DCX: variants seen among roughly 807,000 people sequenced by gnomAD.
DCX encodes the protein doublecortin.
Under a neutral mutation model 20.9 loss-of-function variants are expected in DCX, and 4 were observed. The observed-to-expected ratio is 0.19, with a 90% CI of 0.09 to 0.44. The LOEUF is 0.44. DCX is among the 20% of genes least tolerant of loss of function. The probability of loss-of-function intolerance (pLI) is 0.99; values close to 1 mark genes in which losing one functional copy is unlikely to be tolerated. For synonymous variants in DCX, 103 were observed against 111.4 expected (o/e 0.92, Z 0.47); for missense variants, 133 against 296.9 (o/e 0.45, Z 4.06).
At chrX:111,311,426 T>C (rs1017436965) in intron 6 of DCX, among the ~76,000 whole-genome samples, 10 of 112,363 alleles carry the variant, frequency 8.9e-5, no homozygotes, top group African/African-American at 2.6e-4. Flanking sequence ...AGTGGTATGC[T>C]ATTAAATGTT....
intron 3 of DCX, among the ~76,000 whole-genome samples, chrX:111,399,528 G>A (rs1927606387): frequency 8.9e-6 from 1 of 112,235 alleles, no homozygotes; most frequent in Admixed American, 9.5e-5. Context: ...GTTGAACAGT[G>A]AAATAGGCTG....
chrX:111,391,028 A>ACTGGCTT (rs1240031512), intron 3 of DCX, among the ~76,000 whole-genome samples: 44 of 107,409 alleles, frequency 4.1e-4, no homozygotes, highest in African/African-American at 1.4e-3. Context: ...AAAATCCTTC[A>ACTGGCTT]CTGGCTTCTG....
chrX:111,383,634 G>C (rs1029523592), intron 3 of DCX, among the ~76,000 whole-genome samples: 3 of 111,271 alleles, frequency 2.7e-5, no homozygotes, highest in African/African-American at 9.8e-5. Context: ...GTCCTTTATG[G>C]CCCTATGAGG....
At chrX:111,352,128 G>C (rs1050897845) in intron 3 of DCX, among the ~76,000 whole-genome samples, 4 of 111,643 alleles carry the variant, frequency 3.6e-5, no homozygotes, top group African/African-American at 1.3e-4. Flanking sequence ...CAACTCGGAG[G>C]AGGGGTGCCA....
intron 3 of DCX, among the ~76,000 whole-genome samples, chrX:111,385,556 T>C (rs1295627444): frequency 9.1e-6 from 1 of 109,884 alleles, no homozygotes. Context: ...CTCGGGAGGC[T>C]GAGGCAGGAG....
chrX:111,346,306 T>C (rs1922817536), intron 3 of DCX, among the ~76,000 whole-genome samples: 1 of 112,112 alleles, frequency 8.9e-6, no homozygotes, highest in Non-Finnish European at 1.9e-5. Context: ...CTGTCAGAGC[T>C]AGAAGAGACA....
intron 3 of DCX, among the ~76,000 whole-genome samples, chrX:111,351,956 C>T (rs915561081): frequency 1.8e-5 from 2 of 111,736 alleles, no homozygotes; most frequent in African/African-American, 6.5e-5. Flanking sequence ...AACTCCTGGG[C>T]TCATGCAGTC....
intron 5 of DCX, among the ~76,000 whole-genome samples, chrX:111,320,157 T>C (rs1283322351): frequency 1.8e-5 from 2 of 112,117 alleles, no homozygotes; most frequent in East Asian, 5.6e-4. Context: ...ATAGAGAAAT[T>C]AAGTAATGTA....
chrX:111,363,056 G>A (rs1176891609), intron 3 of DCX, among the ~76,000 whole-genome samples: 1 of 111,675 alleles, frequency 9.0e-6, no homozygotes, highest in Non-Finnish European at 1.9e-5. Context: ...ACAAGGTGAG[G>A]TAATTGGTGC....
intron 2 of DCX, among the ~76,000 whole-genome samples, chrX:111,401,819 A>G (rs1927817273): frequency 8.9e-6 from 1 of 112,580 alleles, no homozygotes; most frequent in African/African-American, 3.2e-5. Context: ...ATGCCAAGTT[A>G]AAATGAACCA....
chrX:111,403,304 G>T (rs371930107), intron 2 of DCX, among the ~76,000 whole-genome samples: 6 of 112,113 alleles, frequency 5.4e-5, no homozygotes, highest in East Asian at 2.8e-4. Flanking sequence ...ATATATTTAT[G>T]ATTTCACTCA....
At chrX:111,353,793 T>C (rs1382002763) in intron 3 of DCX, among the ~76,000 whole-genome samples, 3 of 111,795 alleles carry the variant, frequency 2.7e-5, no homozygotes, top group Non-Finnish European at 5.6e-5. Flanking sequence ...GCATGCCTTC[T>C]GTCCTCAAAG....
chrX:111,341,165 T>A (rs1922192447), intron 3 of DCX, among the ~76,000 whole-genome samples: 1 of 109,712 alleles, frequency 9.1e-6, no homozygotes, highest in Non-Finnish European at 1.9e-5. Context: ...ATAGTCAGTT[T>A]AGAGAGGAAC....
At chrX:111,303,252 TA>T (rs2095038034) in intron 6 of DCX, among the ~76,000 whole-genome samples, 3 of 109,996 alleles carry the variant, frequency 2.7e-5, no homozygotes, top group East Asian at 5.7e-4. Flanking sequence ...CACGCCTGGC[TA>T]ATTTTTTATA....
At chrX:111,347,847 C>T (rs1384038378) in intron 3 of DCX, among the ~76,000 whole-genome samples, 2 of 111,830 alleles carry the variant, frequency 1.8e-5, no homozygotes, top group African/African-American at 3.3e-5. Flanking sequence ...GGTGACTCTC[C>T]TCTCCCCATT....
At chrX:111,374,596 C>T (rs1054511188) in intron 3 of DCX, among the ~76,000 whole-genome samples, 1 of 110,973 alleles carries the variant, frequency 9.0e-6, no homozygotes, top group African/African-American at 3.3e-5. Context: ...AGGTTATCTG[C>T]CTTCCAGTTG....
At chrX:111,329,767 C>A (rs1315582901) in intron 5 of DCX, among the ~76,000 whole-genome samples, 5 of 111,733 alleles carry the variant, frequency 4.5e-5, no homozygotes, top group African/African-American at 1.6e-4. Flanking sequence ...ATGCTCCTGG[C>A]AGTCTGATGC....
chrX:111,356,139 T>C (rs1397784571), intron 3 of DCX, among the ~76,000 whole-genome samples: 2 of 112,601 alleles, frequency 1.8e-5, no homozygotes, highest in Non-Finnish European at 3.7e-5. Context: ...TTAAAAGGGA[T>C]ATTAGAATAC....
chrX:111,308,250 G>A (rs1259017938), intron 6 of DCX, among the ~76,000 whole-genome samples: 2 of 111,884 alleles, frequency 1.8e-5, no homozygotes, highest in Non-Finnish European at 3.8e-5. Flanking sequence ...CAGCTGTGCT[G>A]GCGATACTAT....
Sources: gnomAD v4.1 joint callset for allele counts (sites outside exome capture counted in the v4.1 genomes callset) on GRCh38, gnomAD v4.1.1 for gene constraint, MANE v1.5 for transcripts, NCBI Gene and HGNC (gene_info 2026-07-23, HGNC 2026-07-21) for gene names.